OSBPL3: variants seen among roughly 807,000 people sequenced by gnomAD.
The protein encoded by OSBPL3 is oxysterol-binding protein-related protein 3.
Under a neutral mutation model 120.1 loss-of-function variants are expected in OSBPL3, and 65 were observed. The observed-to-expected ratio is 0.54, with a 90% confidence interval of 0.44 to 0.67. OSBPL3 has a LOEUF of 0.67. OSBPL3 is among the 30% of genes least tolerant of loss of function. The pLI is 0.00. For missense variants in OSBPL3, 1,004 were observed against 1,082.1 expected, an observed-to-expected ratio of 0.93 and a Z score of 1.01; for synonymous variants, 416 against 402.6, an observed-to-expected ratio of 1.03 and a Z score of -0.40.
Position 24,942,259 on chromosome 7 carries a change from T to C in OSBPL3, c.-150+37627A>G, listed in dbSNP as rs148216029. Among the ~76,000 whole-genome samples the C allele has an allele frequency of 8.8e-3, 1,342 of 152,152 alleles. 26 individuals carry two copies. The highest frequency in any genetic ancestry group is 0.03 in the African/African-American group (1,250 of 41,496). ...AATGAACTAAACCACATTTACTAAATAGTCAATCTAAACATAGGTATTCTT... is the reference window on the plus strand; with the variant it reads ...AATGAACTAAACCACATTTACTAAACAGTCAATCTAAACATAGGTATTCTT... On this transcript the variant is annotated intron_variant, in intron 1 of 22. Coordinates refer to ENST00000313367, the MANE Select transcript of OSBPL3 (RefSeq NM_015550.4).
At chr7:24,858,292 G>T (rs1399899572) in intron 10 of OSBPL3, among the ~76,000 whole-genome samples, 2 of 152,216 alleles carry the variant, frequency 1.3e-5, no homozygotes, top group Non-Finnish European at 2.9e-5. Flanking sequence ...CTTTGGAATT[G>T]TAGTCAACAG....
At chr7:24,874,495 G>A (rs1331496246) in intron 2 of OSBPL3, among the ~76,000 whole-genome samples, 3 of 152,118 alleles carry the variant, frequency 2.0e-5, no homozygotes, top group African/African-American at 7.2e-5. Flanking sequence ...GATCATACCT[G>A]TAAGTTTAAA....
Position 24,972,175 on chromosome 7 carries a change from T to G in OSBPL3, c.-150+7711A>C, listed in dbSNP as rs958606755. On this transcript the variant is annotated intron_variant, in intron 1 of 22. Coordinates refer to ENST00000313367, the MANE Select transcript of OSBPL3 (RefSeq NM_015550.4). The surrounding 1 kb of genome is among the most constrained non-coding windows in gnomAD (Gnocchi z 4.3). Reference sequence around the variant, plus strand: ...ACTCAACTTTGGATTCAACTCCCATTAGCAAATAAACAAACCTGTGTGTCG... The same window carrying G: ...ACTCAACTTTGGATTCAACTCCCATGAGCAAATAAACAAACCTGTGTGTCG... Among the ~76,000 whole-genome samples, 1 of 152,190 alleles carries G rather than the reference T, an allele frequency of 6.6e-6. No homozygotes were observed. The highest frequency in any genetic ancestry group is 2.4e-5 in the African/African-American group (1 of 41,436).
At chr7:24,914,948 T>A (rs1052272155) in intron 1 of OSBPL3, among the ~76,000 whole-genome samples, 8 of 152,202 alleles carry the variant, frequency 5.3e-5, no homozygotes, top group Non-Finnish European at 1.2e-4. Flanking sequence ...GACAACAGGC[T>A]GTCAGGCAAG....
chr7:24,938,394 C>T lies in OSBPL3; in HGVS notation c.-150+41492G>A, dbSNP rs974510370. The stretch of plus-strand genomic sequence containing the variant: ...CCATTTCTATTGTTTATAAATTACC[C>T]GGTTTATGATATTTGTTATAGCAGC... On this transcript the variant is annotated intron_variant, in intron 1 of 22. Transcript: ENST00000313367. The surrounding 1 kb of genome is among the most constrained non-coding windows in gnomAD (Gnocchi z 5.8). Among the ~76,000 whole-genome samples the T allele has an allele frequency of 2.0e-5, 3 of 152,150 alleles. No homozygotes were observed. Among genetic ancestry groups the T allele is most frequent in the Non-Finnish European group, 4.4e-5 (3 of 68,024 alleles).
At chr7:24,847,244 G>A (rs947955402) in intron 12 of OSBPL3, among the ~76,000 whole-genome samples, 2 of 152,140 alleles carry the variant, frequency 1.3e-5, no homozygotes, top group Non-Finnish European at 2.9e-5. Flanking sequence ...CAGTCTGGGA[G>A]GCCATTTTCA....
rs1434867716 is a variant in OSBPL3, at chr7:24,867,149, CAAAT to C, written c.382-916_382-913del. On this transcript the variant is annotated intron_variant, in intron 5 of 22. Coordinates refer to ENST00000313367, the MANE Select transcript of OSBPL3 (RefSeq NM_015550.4). The surrounding 1 kb of genome is among the most constrained non-coding windows in gnomAD (Gnocchi z 4.5). Reference sequence around the variant, plus strand: ...GAACAGTGCCAATTATATTAAGCAACAAATAAACTGAAATTTACATTTATCTGTC... The same window carrying C: ...GAACAGTGCCAATTATATTAAGCAACAAACTGAAATTTACATTTATCTGTC... 6.6e-6 allele frequency among the ~76,000 whole-genome samples: 1 copy of C among 152,228 alleles called. No homozygotes were observed. Among genetic ancestry groups the C allele is most frequent in the Non-Finnish European group, 1.5e-5 (1 of 68,026 alleles).
chr7:24,809,975 C>T, intron 19 of OSBPL3, 24 bp from the exon 20 acceptor site: 1 of 1,613,604 alleles, frequency 6.2e-7, no homozygotes, highest in Non-Finnish European at 8.5e-7. Flanking sequence ...GAGTTGTTGG[C>T]TTAGTCCTTT....
intron 2 of OSBPL3, among the ~76,000 whole-genome samples, chr7:24,892,070 G>A (rs1805432668): frequency 6.6e-6 from 1 of 152,120 alleles, no homozygotes; most frequent in South Asian, 2.1e-4. Context: ...TGTGTCCTTG[G>A]GCAAGTAACC....
chr7:24,977,208 T>C lies in OSBPL3; in HGVS notation c.-150+2678A>G, dbSNP rs193096287. On this transcript the variant is annotated intron_variant, in intron 1 of 22. Coordinates refer to ENST00000313367, the MANE Select transcript of OSBPL3 (RefSeq NM_015550.4). ...TCTTTAGATTTAGATGAAAGGAGGA[T>C]TTCCTTTCCTTCTGTATTAAAAGTC... Among the ~76,000 whole-genome samples, 48 of 152,288 alleles carry C rather than the reference T, an allele frequency of 3.2e-4. No homozygotes were observed. The East Asian group carries it at 4.1e-3, about 13-fold the overall frequency.
intron 12 of OSBPL3, among the ~76,000 whole-genome samples, chr7:24,845,384 T>TAAAAAAAAAAAAAAAAAAAAAA (rs34559902): frequency 2.9e-4 from 18 of 62,264 alleles, no homozygotes; most frequent in East Asian, 1.2e-3. Context: ...GCAAAATAAG[T>TAAAAAAAAAAAAAAAAAAAAAA]AAAAAAAAAA....
rs1033045512 is a variant in OSBPL3 at position 24,830,905 on chromosome 7, C to G, written c.1747G>C (p.Val583Leu). 3 of 1,598,668 alleles carry G rather than the reference C, an allele frequency of 1.9e-6. No homozygotes were observed. Among genetic ancestry groups the G allele is most frequent in the Non-Finnish European group, 1.7e-6 (2 of 1,175,804 alleles). Residue 583 changes from valine (V) to leucine (L), a missense_variant and splice_region_variant, in exon 16 of 23, where the codon GTA (valine) becomes CTA (leucine). Coordinates refer to ENST00000313367, the MANE Select transcript of OSBPL3 (RefSeq NM_015550.4). The surrounding 1 kb of genome is among the most constrained non-coding windows in gnomAD (Gnocchi z 4.4). Reference protein sequence around the residue: ...AQIPSPLERMVYVAAFAISAY... With the variant: ...AQIPSPLERMLYVAAFAISAY... ...GATATGGCAAAGGCTGCCACATATACCTAAGGACAAGAGAAAAGAACTTTG... is the reference window on the plus strand; with the variant it reads ...GATATGGCAAAGGCTGCCACATATAGCTAAGGACAAGAGAAAAGAACTTTG...
In OSBPL3 at chr7:24,913,999, T is replaced by C. The variant is rs1809204359; in HGVS notation, c.-149-21378A>G. On this transcript the variant is annotated intron_variant, in intron 1 of 22. Coordinates refer to ENST00000313367, the MANE Select transcript of OSBPL3 (RefSeq NM_015550.4). The surrounding 1 kb of genome is among the most constrained non-coding windows in gnomAD (Gnocchi z 5.3). ...AATCCTTTGGTAAGAACATGCAGAC[T>C]CTTGGGTGTTGGCCAGAGGGTTGTT... Among the ~76,000 whole-genome samples, 2 of 152,176 alleles carry C rather than the reference T, an allele frequency of 1.3e-5. No individual in the cohort carries two copies. Among genetic ancestry groups the C allele is most frequent in the Admixed American group, 6.5e-5 (1 of 15,278 alleles).
chr7:24,805,181 C>A lies in OSBPL3; in HGVS notation c.2445-744G>T, dbSNP rs1792877637. Among the ~76,000 whole-genome samples the A allele has an allele frequency of 6.6e-6, 1 of 152,184 alleles. No individual in the cohort carries two copies. Among genetic ancestry groups the A allele is most frequent in the Non-Finnish European group, 1.5e-5 (1 of 68,040 alleles). On this transcript the variant is annotated intron_variant, in intron 21 of 22. Transcript: ENST00000313367. The surrounding 1 kb of genome is among the most constrained non-coding windows in gnomAD (Gnocchi z 4.0). ...TGAACTGCCCTTTATGGGGATCATA[C>A]CCAATTTATATTCCCATCAGCAATG...
Position 24,849,622 on chromosome 7 carries a change from G to A in OSBPL3, c.1159-446C>T, listed in dbSNP as rs1252715812. 6.6e-6 allele frequency among the ~76,000 whole-genome samples: 1 copy of A among 152,156 alleles called. No individual in the cohort carries two copies. The highest frequency in any genetic ancestry group is 1.5e-5 in the Non-Finnish European group (1 of 68,036). On this transcript the variant is annotated intron_variant, in intron 11 of 22. Coordinates refer to ENST00000313367, the MANE Select transcript of OSBPL3 (RefSeq NM_015550.4). The surrounding 1 kb of genome is among the most constrained non-coding windows in gnomAD (Gnocchi z 5.4). ...CCCTTATGATTGGACATATTTCAAT[G>A]TTACTTAATTATCATACCCATTGAA...
chr7:24,893,100 T>C (rs572652644), intron 1 of OSBPL3, among the ~76,000 whole-genome samples: 7 of 152,328 alleles, frequency 4.6e-5, no homozygotes, highest in African/African-American at 1.7e-4. Flanking sequence ...AATTATCATA[T>C]GATCCAGTAA....
At chr7:24,904,049 A>G (rs1233536176) in intron 1 of OSBPL3, among the ~76,000 whole-genome samples, 4 of 151,902 alleles carry the variant, frequency 2.6e-5, no homozygotes, top group African/African-American at 9.7e-5. Context: ...CAGCTGGCTG[A>G]TTTTTGTATT....
rs1348029241 is a variant in OSBPL3, at chr7:24,851,824, TG to T, written c.1158+679del. ...ACTATTCTGAGGAATTAATTGAAAC[TG>T]ATGAAAAAAGGAGAGAGAATGAGTG... On this transcript the variant is annotated intron_variant, in intron 11 of 22. Coordinates refer to ENST00000313367, the MANE Select transcript of OSBPL3 (RefSeq NM_015550.4). The surrounding 1 kb of genome is among the most constrained non-coding windows in gnomAD (Gnocchi z 4.1). Among the ~76,000 whole-genome samples, 3 of 151,872 alleles carry T rather than the reference TG, an allele frequency of 2.0e-5. No homozygotes were observed. In the East Asian group the frequency reaches 5.8e-4, roughly 29 times the overall value.
Position 24,818,755 on chromosome 7 carries a change from C to T in OSBPL3, c.1948+1420G>A, listed in dbSNP as rs935559224. Among the ~76,000 whole-genome samples, 1 of 152,158 alleles carries T rather than the reference C, an allele frequency of 6.6e-6. No homozygotes were observed. The highest frequency in any genetic ancestry group is 1.5e-5 in the Non-Finnish European group (1 of 68,030). ...AATCACAACAAACGGAAATGGTTTA[C>T]ACAACCTACATAAAAGGCAGAGAAA... On this transcript the variant is annotated intron_variant, in intron 17 of 22. Coordinates refer to ENST00000313367, the MANE Select transcript of OSBPL3 (RefSeq NM_015550.4). This position sits in a 1 kb window ranked among gnomAD's most constrained non-coding sequence, Gnocchi z 4.0.
Sources: gnomAD v4.1 joint callset for allele counts (sites outside exome capture counted in the v4.1 genomes callset) on GRCh38, gnomAD v4.1.1 for gene constraint, Gnocchi (gnomAD v3.1) non-coding constraint, MANE v1.5 for transcripts, NCBI Gene and HGNC (gene_info 2026-07-23, HGNC 2026-07-21) for gene names.